Variants in TOP1MT observed in about 807,000 individuals in gnomAD.
TOP1MT encodes the protein DNA topoisomerase I, mitochondrial.
Under a neutral mutation model 73.9 loss-of-function variants are expected in TOP1MT, and 80 were observed. The ratio of observed to expected loss-of-function variants is 1.08; its 90% confidence interval spans 0.90 to 1.30. The LOEUF is 1.30. Among genes scored for constraint, TOP1MT ranks in the 50% most tolerant of loss-of-function variants. TOP1MT has a pLI of 0.00. For synonymous variants in TOP1MT, 338 were observed against 326.4 expected (o/e 1.04, Z -0.38); for missense variants, 815 against 808.0 (o/e 1.01, Z -0.10).
chr8:143,359,014 G>GT (rs1817459781), upstream of TOP1MT, among the ~76,000 whole-genome samples: 1 of 124,568 alleles, frequency 8.0e-6, no homozygotes, highest in African/African-American at 6.2e-5. Flanking sequence ...TCTGTTTTTT[G>GT]GTTTTTTTTT....
chr8:143,342,041 GTTATTA>G (rs150443761), intron 2 of TOP1MT, among the ~76,000 whole-genome samples: 4,795 of 137,356 alleles, frequency 0.035, 999 homozygotes, highest in African/African-American at 0.14. Flanking sequence ...GAGTCTCGCT[GTTATTA>G]TTATTATTAG....
At chr8:143,323,303 A>G (rs369121815) in intron 7 of TOP1MT, among the ~76,000 whole-genome samples, 5,778 of 95,812 alleles carry the variant, frequency 0.06, 175 homozygotes, top group African/African-American at 0.07. Context: ...CACGCCACAC[A>G]CATGCTCACC....
At chr8:143,346,082 G>A (rs1817216573), upstream of TOP1MT, among the ~76,000 whole-genome samples, 1 of 152,208 alleles carries the variant, frequency 6.6e-6, no homozygotes, top group African/African-American at 2.4e-5. Flanking sequence ...ATCACGTGTA[G>A]ATAATGTGTC....
chr8:143,335,073 C>G (rs1816960009), upstream of TOP1MT, among the ~76,000 whole-genome samples: 1 of 152,234 alleles, frequency 6.6e-6, no homozygotes, highest in Non-Finnish European at 1.5e-5. Context: ...CTTCGTGGTC[C>G]AGCGCCCCTT....
intron 12 of TOP1MT, among the ~76,000 whole-genome samples, chr8:143,314,894 C>T (rs1014448878): frequency 6.6e-6 from 1 of 152,098 alleles, no homozygotes; most frequent in Non-Finnish European, 1.5e-5. Context: ...AAAACCAGGC[C>T]ATACAGAGAT....
At chr8:143,321,482 C>CACAT (rs1816354927) in intron 7 of TOP1MT, 96 bp from the exon 8 acceptor site, 4 of 397,266 alleles carry the variant, frequency 1.0e-5, no homozygotes, top group Non-Finnish European at 1.4e-5. Context: ...GCACGCCACA[C>CACAT]GCACGCCACA....
Position 143,341,791 on chromosome 8 carries a change from G to A in TOP1MT, c.29+1429C>T, listed in dbSNP as rs998829312. 3.3e-5 allele frequency among the ~76,000 whole-genome samples: 5 copies of A among 152,158 alleles called. No individual in the cohort carries two copies. The highest frequency in any genetic ancestry group is 2.1e-4 in the South Asian group (1 of 4,810). On this transcript the variant is annotated intron_variant, in intron 2 of 5. Coordinates refer to the TOP1MT transcript ENST00000518007. The surrounding 1 kb of genome is among the most constrained non-coding windows in gnomAD (Gnocchi z 4.1). ...AGGGAAGGTCACAGAGCACTATCCC[G>A]ACACCACTGCCCCATCTAGTGCTTC...
At chr8:143,325,230 G>C in intron 5 of TOP1MT, 116 bp downstream of exon 5, 1 of 968,538 alleles carries the variant, frequency 1.0e-6, no homozygotes, top group Non-Finnish European at 1.5e-6. Context: ...AATGGTGTGG[G>C]GGTCACCAAC....
Position 143,324,578 on chromosome 8 carries a change from G to A in TOP1MT, c.723C>T (p.Arg241=). Reference sequence around the variant, plus strand: ...CCAGCCACGTGACGGTGTTATCGGAGCGCACCTCCTTCCACTGGTGCCCCG... The same window carrying A: ...CCAGCCACGTGACGGTGTTATCGGAACGCACCTCCTTCCACTGGTGCCCCG... ...PPAGHQWKEV[R]SDNTVTWLAA... Residue 241 remains arginine (R), a synonymous_variant, in exon 6 of 14, where the codon CGC becomes CGT. Transcript: ENST00000329245. 6.2e-7 allele frequency: 1 copy of A among 1,613,752 alleles called. No homozygotes were observed. The highest frequency in any genetic ancestry group is 8.5e-7 in the Non-Finnish European group (1 of 1,180,006).
At chr8:143,348,873 G>A (rs191541626), upstream of TOP1MT, among the ~76,000 whole-genome samples, 3 of 152,170 alleles carry the variant, frequency 2.0e-5, no homozygotes, top group Admixed American at 6.6e-5. The surrounding 1 kb of genome is among the most constrained non-coding windows in gnomAD (Gnocchi z 4.6). Flanking sequence ...CCCGGCCAGC[G>A]TACCCCGACT....
chr8:143,310,020 G>C, intron 13 of TOP1MT, 48 bp downstream of exon 13: 5 of 1,602,244 alleles, frequency 3.1e-6, no homozygotes, highest in Non-Finnish European at 4.2e-6. Context: ...GGAAAACCCA[G>C]GCCCCCCATA....
chr8:143,334,629 G>T, intron 1 of TOP1MT, 111 bp downstream of exon 1: 1 of 1,480,528 alleles, frequency 6.8e-7, no homozygotes. Context: ...CGACTTTTGG[G>T]AAAACCGGAA....
Position 143,325,398 on chromosome 8 carries a change from C to T in TOP1MT, c.619G>A (p.Gly207Arg). The T allele has an allele frequency of 6.2e-7, 1 of 1,611,466 alleles. No homozygotes were observed. Among genetic ancestry groups the T allele is most frequent in the Non-Finnish European group, 8.5e-7 (1 of 1,177,918 alleles). The change falls in exon 5 of 14, where the codon GGG (glycine) becomes AGG (arginine). Residue 207 changes from glycine (G) to arginine (R), a missense_variant. By Grantham distance (125) the Gly-to-Arg change is moderately radical. Coordinates refer to ENST00000329245, the MANE Select transcript of TOP1MT (RefSeq NM_052963.3). Reference protein sequence around the residue: ...FRGRGDHPKMGMLKRRITPED... With the variant: ...FRGRGDHPKMRMLKRRITPED... ...GGCGTGATCCTTCTCTTCAGCATCC[C>T]CATCTTGGGATGGTCGCCACGGCCA...
intron 12 of TOP1MT, 112 bp downstream of exon 12, chr8:143,315,615 C>A: frequency 1.4e-6 from 1 of 702,698 alleles, no homozygotes; most frequent in Non-Finnish European, 2.4e-6. Flanking sequence ...TACAATCTCT[C>A]GTCTCCGCAC....
chr8:143,334,763 C>T lies in TOP1MT; in HGVS notation c.99G>A (p.Arg33=), dbSNP rs1227181798. 1.9e-6 allele frequency: 3 copies of T among 1,596,746 alleles called. No homozygotes were observed. Among genetic ancestry groups the T allele is most frequent in the East Asian group, 2.4e-5 (1 of 41,996 alleles). The change falls in exon 1 of 14, where the codon AGG becomes AGA. Residue 33 remains arginine (R), a synonymous_variant. Transcript: ENST00000329245. ...ACCTGGCTCCACTGCCCTTCTGCGT[C>T]CTGCGCGAGCCCGGGACACCCCGGG... ...PASRGVPGSR[R]TQKGSGARWE...
chr8:143,321,868 C>CACACAG (rs1816410662), intron 7 of TOP1MT, among the ~76,000 whole-genome samples: 1 of 67,542 alleles, frequency 1.5e-5, no homozygotes, highest in Admixed American at 1.9e-4. Flanking sequence ...GCATGCCACA[C>CACACAG]GCACACCACA....
At position 143,332,506 on chromosome 8, in the gene TOP1MT, T is replaced by G. The variant is rs1235919789; in HGVS notation, c.123-1167A>C. On this transcript the variant is annotated intron_variant, in intron 1 of 13. Transcript: ENST00000329245. ...CCCCACCTGCCAGAGCCAGGAGACC[T>G]GCACGTGACCCCAGCCAGGTAGTGC... is the stretch of plus-strand genomic sequence containing the variant. 6.2e-6 allele frequency: 8 copies of G among 1,289,342 alleles called. No homozygotes were observed. The Admixed American group carries it at 9.2e-5, about 15-fold the overall frequency. The allele number at this position is 1,289,342 out of a possible 1,614,324, so 79.9% of individuals were successfully genotyped here.
At chr8:143,348,931 T>C (rs980772602), upstream of TOP1MT, among the ~76,000 whole-genome samples, 2 of 151,286 alleles carry the variant, frequency 1.3e-5, no homozygotes, top group African/African-American at 4.8e-5. This position sits in a 1 kb window ranked among gnomAD's most constrained non-coding sequence, Gnocchi z 4.6. Flanking sequence ...CAAACCCACT[T>C]GAGCATCTGA....
rs976245328 is a variant in TOP1MT at position 143,317,822 on chromosome 8, T to C, written c.1231A>G (p.Lys411Glu). 1.2e-6 allele frequency: 2 copies of C among 1,614,040 alleles called. No homozygotes were observed. Among genetic ancestry groups the C allele is most frequent in the African/African-American group, 2.7e-5 (2 of 74,940 alleles). ...CCGTCCATCAGCTCCTGGAGGTGCTTGTTCAGGCTGGTCGTCTGGGGAGGA... is the reference window on the plus strand; with the variant it reads ...CCGTCCATCAGCTCCTGGAGGTGCTCGTTCAGGCTGGTCGTCTGGGGAGGA... ...FDRLTTTSLN[K>E]HLQELMDGLT... The change falls in exon 10 of 14, where the codon AAG becomes GAG. Residue 411 changes from lysine (K) to glutamate (E), a missense_variant. Physicochemically the swap from Lys to Glu is moderately conservative, Grantham distance 56 (BLOSUM62 1). Around this residue, in one of 3 missense-constraint regions of TOP1MT, gnomAD observed 751 missense variants for 725.4 expected, o/e 1.04. Coordinates refer to ENST00000329245, the MANE Select transcript of TOP1MT (RefSeq NM_052963.3).
Sources: gnomAD v4.1 joint callset for allele counts (sites outside exome capture counted in the v4.1 genomes callset) on GRCh38, gnomAD v4.1.1 for gene constraint, gnomAD v4.1.1 regional missense constraint, Gnocchi (gnomAD v3.1) non-coding constraint, MANE v1.5 for transcripts, NCBI Gene and HGNC (gene_info 2026-07-23, HGNC 2026-07-21) for gene names.